The following COL4A3 variants were observed in gnomAD, a reference collection of about 807,000 sequenced individuals.
COL4A3 encodes the protein collagen alpha-3(IV) chain.
In COL4A3, 135 loss-of-function variants were observed where a neutral mutation model predicts 217.4. The ratio of observed to expected loss-of-function variants is 0.62; its 90% CI spans 0.54 to 0.72. The LOEUF is 0.72. COL4A3 is among the 30% of genes least tolerant of loss of function. The pLI is 0.00. For synonymous variants in COL4A3, 690 were observed against 736.3 expected, an observed-to-expected ratio of 0.94 and a Z score of 1.02; for missense variants, 1,868 against 2,119.9, an observed-to-expected ratio of 0.88 and a Z score of 2.33.
At chr2:227,267,174 GT>G (rs2070949893) in intron 23 of COL4A3, 86 bp downstream of exon 23, 1 of 938,232 alleles carries the variant, frequency 1.1e-6, no homozygotes, top group Non-Finnish European at 1.7e-6. Flanking sequence ...ATTGGTGGAT[GT>G]CACAACGTGG....
At chr2:227,264,020 C>T in intron 21 of COL4A3, 76 bp downstream of exon 21, 3 of 1,516,382 alleles carry the variant, frequency 2.0e-6, no homozygotes, top group South Asian at 1.1e-5. Flanking sequence ...GCAACAAACC[C>T]TCCTCACAGC....
intron 1 of COL4A3, among the ~76,000 whole-genome samples, chr2:227,202,866 T>C (rs56270764): frequency 0.024 from 1,346 of 55,362 alleles, 246 homozygotes; most frequent in Admixed American, 0.037. Context: ...TATATACATA[T>C]ATGTGTATAT....
chr2:227,248,111 T>C (rs1433653388), intron 8 of COL4A3, among the ~76,000 whole-genome samples: 1 of 152,152 alleles, frequency 6.6e-6, no homozygotes, highest in Admixed American at 6.5e-5. Context: ...AGCTAATTCT[T>C]GTATTTTTAG....
intron 1 of COL4A3, among the ~76,000 whole-genome samples, chr2:227,168,901 T>G (rs1296559367): frequency 2.6e-5 from 4 of 151,988 alleles, no homozygotes; most frequent in African/African-American, 7.3e-5. Flanking sequence ...TATTTTATTA[T>G]TATTATACTT....
Position 227,253,767 on chromosome 2 carries a change from G to T in COL4A3, c.765+129G>T. On this transcript the variant is annotated intron_variant, in intron 13 of 51. Transcript: ENST00000396578. The surrounding 1 kb of genome is among the most constrained non-coding windows in gnomAD (Gnocchi z 4.4). ...TCAGCCCAGCTCCCTCAGCCAGCCA[G>T]AACCTCCAGGATTGATTCCTTCCCG... is the stretch of plus-strand genomic sequence containing the variant. 1 of 832,152 alleles carries T rather than the reference G, an allele frequency of 1.2e-6. No homozygotes were observed. Among genetic ancestry groups the T allele is most frequent in the East Asian group, 2.4e-5 (1 of 41,260 alleles). 51.5% of individuals were successfully genotyped at this position (832,152 alleles called of 1,614,324 possible).
chr2:227,193,785 G>GGGAGGGAGGGAGGA (rs1553735207), intron 1 of COL4A3, among the ~76,000 whole-genome samples: 1 of 44,898 alleles, frequency 2.2e-5, no homozygotes, highest in African/African-American at 7.9e-5. Flanking sequence ...AGGAAGGAAG[G>GGGAGGGAGGGAGGA]AAGGAAGGAA....
At chr2:227,248,054 C>A (rs2069456569) in intron 8 of COL4A3, among the ~76,000 whole-genome samples, 3 of 152,206 alleles carry the variant, frequency 2.0e-5, no homozygotes, top group Non-Finnish European at 4.4e-5. Context: ...TTTCTTCTGT[C>A]TCAGTCTCCC....
At chr2:227,280,705 AC>A in intron 30 of COL4A3, 115 bp downstream of exon 30, 1 of 1,288,504 alleles carries the variant, frequency 7.8e-7, no homozygotes, top group South Asian at 1.2e-5. Flanking sequence ...TTCCTGCCCT[AC>A]CTTTCTTCCT....
At chr2:227,185,729 C>G (rs1221346173) in intron 1 of COL4A3, among the ~76,000 whole-genome samples, 1 of 152,172 alleles carries the variant, frequency 6.6e-6, no homozygotes, top group African/African-American at 2.4e-5. Context: ...CCTTAGGCTA[C>G]TGGTTTTCAA....
chr2:227,286,666 G>T (rs1177351791), intron 34 of COL4A3, among the ~76,000 whole-genome samples: 1 of 152,172 alleles, frequency 6.6e-6, no homozygotes, highest in African/African-American at 2.4e-5. Flanking sequence ...AGCTCTGTAG[G>T]AGTTGAGGGA....
chr2:227,246,876 T>C, intron 7 of COL4A3, 138 bp downstream of exon 7: 1 of 802,336 alleles, frequency 1.2e-6, no homozygotes, highest in South Asian at 1.4e-5. Context: ...AACTAATAGT[T>C]AGGGAATGGA....
In COL4A3 at chr2:227,261,034, C is replaced by T. The variant is rs145145551; in HGVS notation, c.1115-48C>T. The T allele has an allele frequency of 7.4e-4, 1,107 of 1,494,814 alleles. 9 individuals are homozygous for T. In the African/African-American group the frequency reaches 0.012, roughly 16 times the overall value. 92.6% of individuals were successfully genotyped at this position (1,494,814 alleles called of 1,614,324 possible). A position where few individuals can be genotyped will look rare whatever the true frequency, so the allele number is the denominator to read the frequency against. The stretch of plus-strand genomic sequence containing the variant: ...CCCAAGATTCCAAAAGTGGATGGGA[C>T]AGCATTTATATCTTTCTAAGCAATT... On this transcript the variant is annotated intron_variant, in intron 19 of 51. Coordinates refer to ENST00000396578, the MANE Select transcript of COL4A3 (RefSeq NM_000091.5).
In COL4A3 at chr2:227,229,452, C is replaced by T. The variant is rs111768201; in HGVS notation, c.88-8516C>T. 7.7e-4 allele frequency among the ~76,000 whole-genome samples: 117 copies of T among 152,302 alleles called. 3 individuals are homozygous for T. Among genetic ancestry groups the T allele is most frequent in the African/African-American group, 2.5e-3 (105 of 41,560 alleles). ...ATTGTTTGTTAGAGATAGATAACAG[C>T]AGTCTCTCACCCTTGCTCTTAGATT... On this transcript the variant is annotated intron_variant, in intron 1 of 51. Coordinates refer to ENST00000396578, the MANE Select transcript of COL4A3 (RefSeq NM_000091.5).
In COL4A3 at chr2:227,254,193, T is replaced by A. The variant is rs1468996660; in HGVS notation, c.828+19T>A. ...ACCCTCAGTAGGTTATTTAAAGTTA[T>A]ATTGTCCCCATAACACATAAAGTAG... On this transcript the variant is annotated intron_variant, in intron 14 of 51. Coordinates refer to ENST00000396578, the MANE Select transcript of COL4A3 (RefSeq NM_000091.5). The A allele has an allele frequency of 1.2e-6, 2 of 1,606,644 alleles. No homozygotes were observed. The highest frequency in any genetic ancestry group is 2.2e-5 in the East Asian group (1 of 44,828).
intron 48 of COL4A3, 94 bp from the exon 49 acceptor site, chr2:227,308,805 C>T: frequency 7.7e-7 from 1 of 1,303,494 alleles, no homozygotes; most frequent in South Asian, 1.2e-5. Context: ...CCAGCTTTTG[C>T]TGCAGGTTAC....
In COL4A3 at chr2:227,256,023, T is replaced by C; in HGVS notation, c.889-3T>C. 6.2e-7 allele frequency: 1 copy of C among 1,613,886 alleles called. No individual in the cohort carries two copies. Among genetic ancestry groups the C allele is most frequent in the Non-Finnish European group, 8.5e-7 (1 of 1,179,794 alleles). On this transcript the variant is annotated splice_polypyrimidine_tract_variant and splice_region_variant and intron_variant, in intron 15 of 51. Transcript: ENST00000396578. ...TCATGTTTTTGATTTGTTTTTGCTG[T>C]AGGGAAAACCCGGAAAAGATGGTGT...
chr2:227,169,857 T>C (rs1015282195), intron 1 of COL4A3, among the ~76,000 whole-genome samples: 2 of 152,176 alleles, frequency 1.3e-5, no homozygotes, highest in Admixed American at 1.3e-4. Flanking sequence ...CTCTATTCCA[T>C]TGGTCCAATA....
intron 1 of COL4A3, among the ~76,000 whole-genome samples, chr2:227,228,260 T>C (rs907070042): frequency 2.0e-5 from 3 of 152,228 alleles, no homozygotes; most frequent in Admixed American, 6.5e-5. Flanking sequence ...ATGGGTGTCA[T>C]TCTTCTTCAC....
intron 1 of COL4A3, among the ~76,000 whole-genome samples, chr2:227,166,104 T>C (rs1327253354): frequency 6.6e-6 from 1 of 152,156 alleles, no homozygotes; most frequent in African/African-American, 2.4e-5. Flanking sequence ...CTTTTTGCTT[T>C]GTTGCACAGT....
Sources: gnomAD v4.1 joint callset for allele counts (sites outside exome capture counted in the v4.1 genomes callset) on GRCh38, gnomAD v4.1.1 for gene constraint, Gnocchi (gnomAD v3.1) non-coding constraint, MANE v1.5 for transcripts, NCBI Gene and HGNC (gene_info 2026-07-23, HGNC 2026-07-21) for gene names.